Variants in FAM13A observed in about 807,000 individuals in gnomAD.
The protein encoded by FAM13A is protein FAM13A.
A neutral mutation model predicts 129.6 loss-of-function variants in FAM13A; 76 were observed. That is an observed-to-expected ratio of 0.59 (90% CI 0.49 to 0.71). The LOEUF (loss-of-function observed/expected upper bound fraction) is 0.71. FAM13A is among the 30% of genes least tolerant of loss of function. The pLI is 0.00. For missense variants in FAM13A, 1,108 were observed against 1,249.3 expected (o/e 0.89, Z 1.70); for synonymous variants, 443 against 449.9 (o/e 0.98, Z 0.20).
chr4:88,809,653 AATG>A (rs34324895), intron 7 of FAM13A, among the ~76,000 whole-genome samples: 68,161 of 151,588 alleles, frequency 0.45, 15,576 homozygotes, highest in East Asian at 0.69. Flanking sequence ...TTTCTTAGAG[AATG>A]ATAAGTGAAG....
intron 4 of FAM13A, among the ~76,000 whole-genome samples, chr4:88,980,731 GT>G (rs1761556990): frequency 2.0e-5 from 3 of 152,116 alleles, no homozygotes. Flanking sequence ...CAAATTACCA[GT>G]TTCTAAAAGT....
chr4:89,015,016 C>T (rs180928853), intron 3 of FAM13A, among the ~76,000 whole-genome samples: 8 of 152,168 alleles, frequency 5.3e-5, no homozygotes, highest in East Asian at 1.9e-4. Context: ...AAAGAGAATG[C>T]GTTCCTAGGG....
chr4:88,909,596 C>T (rs567823725), intron 5 of FAM13A, among the ~76,000 whole-genome samples: 1 of 152,130 alleles, frequency 6.6e-6, no homozygotes, highest in Admixed American at 6.6e-5. Flanking sequence ...AAGCGATTCT[C>T]CTGTCTCAGC....
chr4:89,026,414 G>A (rs182206967), intron 2 of FAM13A, among the ~76,000 whole-genome samples: 15 of 152,148 alleles, frequency 9.9e-5, no homozygotes, highest in Admixed American at 3.3e-4. Flanking sequence ...AAAATTCTAC[G>A]GAGTAAGAAC....
chr4:88,790,508 T>C (rs2149673917), intron 9 of FAM13A, 78 bp downstream of exon 9: 2 of 1,244,888 alleles, frequency 1.6e-6, no homozygotes, highest in East Asian at 4.6e-5. Context: ...GAGTTGCTTT[T>C]TTTTTCTGTT....
chr4:88,781,833 A>C (rs183499224), intron 10 of FAM13A, among the ~76,000 whole-genome samples: 3 of 149,822 alleles, frequency 2.0e-5, no homozygotes, highest in Non-Finnish European at 4.5e-5. Flanking sequence ...CAGTCCGGAG[A>C]CTGTTGTGGG....
intron 7 of FAM13A, among the ~76,000 whole-genome samples, chr4:88,808,704 C>T (rs1225539131): frequency 6.6e-6 from 1 of 151,992 alleles, no homozygotes; most frequent in Non-Finnish European, 1.5e-5. Flanking sequence ...AGTAAAAACT[C>T]CGTGTTTTAA....
intron 5 of FAM13A, among the ~76,000 whole-genome samples, chr4:88,924,471 T>C (rs1475092076): frequency 6.6e-6 from 1 of 152,182 alleles, no homozygotes; most frequent in Non-Finnish European, 1.5e-5. Context: ...CCCTATTTAA[T>C]AAATGGTGCT....
intron 6 of FAM13A, among the ~76,000 whole-genome samples, chr4:88,866,191 C>T (rs373809211): frequency 1.6e-4 from 25 of 152,176 alleles, no homozygotes; most frequent in African/African-American, 3.9e-4. Context: ...GGATTACAGG[C>T]GCCTGCCACC....
At chr4:88,943,808 G>T (rs575012007) in intron 4 of FAM13A, among the ~76,000 whole-genome samples, 95 of 152,138 alleles carry the variant, frequency 6.2e-4, no homozygotes, top group Non-Finnish European at 1.1e-3. Flanking sequence ...ATGAACTGAT[G>T]AAGAAGAATT....
intron 8 of FAM13A, among the ~76,000 whole-genome samples, chr4:88,796,489 A>G (rs1276265083): frequency 6.6e-6 from 1 of 152,092 alleles, no homozygotes; most frequent in Admixed American, 6.6e-5. Flanking sequence ...TTAATTTTAC[A>G]AAATTCTCAA....
chr4:88,834,530 T>G (rs149324004), intron 7 of FAM13A, among the ~76,000 whole-genome samples: 2 of 152,096 alleles, frequency 1.3e-5, no homozygotes, highest in Non-Finnish European at 2.9e-5. Flanking sequence ...ACTATGCATA[T>G]CAAAACATCA....
chr4:88,798,456 G>A (rs1237312202), intron 8 of FAM13A, among the ~76,000 whole-genome samples: 2 of 151,956 alleles, frequency 1.3e-5, no homozygotes, highest in Non-Finnish European at 2.9e-5. Flanking sequence ...AACACAACTC[G>A]GCTCTAGATG....
chr4:88,822,755 T>C (rs1732254293), intron 7 of FAM13A, among the ~76,000 whole-genome samples: 1 of 152,188 alleles, frequency 6.6e-6, no homozygotes, highest in East Asian at 1.9e-4. Context: ...AGGATATAAC[T>C]AAATACAACA....
At chr4:88,863,554 C>T (rs776975052) in intron 6 of FAM13A, among the ~76,000 whole-genome samples, 4 of 152,190 alleles carry the variant, frequency 2.6e-5, no homozygotes, top group Non-Finnish European at 5.9e-5. Context: ...TTTATAGCCA[C>T]TTTGTCAGAA....
At chr4:88,980,646 TATAA>T (rs1477218814) in intron 4 of FAM13A, among the ~76,000 whole-genome samples, 7 of 152,202 alleles carry the variant, frequency 4.6e-5, no homozygotes, top group Non-Finnish European at 1.0e-4. Context: ...GACAACAGGT[TATAA>T]ATATATAAAT....
intron 5 of FAM13A, among the ~76,000 whole-genome samples, chr4:88,932,859 A>G (rs1267820659): frequency 6.6e-6 from 1 of 152,190 alleles, no homozygotes; most frequent in Non-Finnish European, 1.5e-5. Context: ...AGCATTTGTT[A>G]GTAACTGTTT....
At chr4:88,984,678 C>T (rs542777484) in intron 4 of FAM13A, among the ~76,000 whole-genome samples, 21 of 152,122 alleles carry the variant, frequency 1.4e-4, no homozygotes, top group Non-Finnish European at 2.8e-4. Context: ...TGGGAATGTA[C>T]ATGGCCATGT....
intron 3 of FAM13A, among the ~76,000 whole-genome samples, chr4:88,994,831 A>G (rs1763329942): frequency 1.0e-5 from 1 of 97,542 alleles, no homozygotes; most frequent in Admixed American, 1.0e-4. Flanking sequence ...ACAGAGTGAG[A>G]CCCTGTCAAA....
Sources: gnomAD v4.1 joint callset for allele counts (sites outside exome capture counted in the v4.1 genomes callset) on GRCh38, gnomAD v4.1.1 for gene constraint, MANE v1.5 for transcripts, NCBI Gene and HGNC (gene_info 2026-07-23, HGNC 2026-07-21) for gene names.